The following MEP1B variants were observed in gnomAD, a reference collection of about 807,000 sequenced individuals.
MEP1B encodes the protein meprin A subunit beta.
A neutral mutation model predicts 84.6 loss-of-function variants in MEP1B; 80 were observed. The observed-to-expected ratio is 0.95, with a 90% confidence interval of 0.79 to 1.14. The LOEUF is 1.14. Among genes scored for constraint, MEP1B ranks in the 50% most tolerant of loss-of-function variants. The pLI is 0.00. For synonymous variants in MEP1B, 273 were observed against 288.1 expected (o/e 0.95, Z 0.53); for missense variants, 766 against 855.1 (o/e 0.90, Z 1.30).
chr18:32,202,889 T>C lies in MEP1B; in HGVS notation c.251-4T>C. On this transcript the variant is annotated splice_region_variant and splice_polypyrimidine_tract_variant and intron_variant, in intron 5 of 14. Coordinates refer to ENST00000269202, the MANE Select transcript of MEP1B (RefSeq NM_005925.3). Reference sequence around the variant, plus strand: ...GCTTATTTTTGTTTGTTTTCTTCCTTCAGAAATGAATGCTAAGGGAGTTAT... The same window carrying C: ...GCTTATTTTTGTTTGTTTTCTTCCTCCAGAAATGAATGCTAAGGGAGTTAT... 1 of 1,579,588 alleles carries C rather than the reference T, an allele frequency of 6.3e-7. No homozygotes were observed. Among genetic ancestry groups the C allele is most frequent in the South Asian group, 1.1e-5 (1 of 88,206 alleles).
chr18:32,194,050 C>G (rs1364927918), intron 4 of MEP1B, among the ~76,000 whole-genome samples: 2 of 152,146 alleles, frequency 1.3e-5, no homozygotes, highest in Non-Finnish European at 2.9e-5. Context: ...TCCCCACTCT[C>G]CTGTCTTCAT....
At chr18:32,191,976 T>C (rs2040806189) in intron 2 of MEP1B, 136 bp downstream of exon 2, 1 of 589,466 alleles carries the variant, frequency 1.7e-6, no homozygotes, top group Non-Finnish European at 3.0e-6. Context: ...ATTCTTTTGA[T>C]TTATGGAGGG....
intron 9 of MEP1B, among the ~76,000 whole-genome samples, chr18:32,209,805 G>GT (rs1298619397): frequency 8.6e-6 from 1 of 115,974 alleles, no homozygotes; most frequent in African/African-American, 4.8e-5. Context: ...GTTAGAAAGT[G>GT]TTTAAAAAAA....
chr18:32,192,576 T>C, intron 2 of MEP1B, 70 bp from the exon 3 acceptor site: 1 of 1,442,240 alleles, frequency 6.9e-7, no homozygotes, highest in South Asian at 1.2e-5. Context: ...TCTGATTATA[T>C]AAATGATAAA....
chr18:32,204,775 CAT>C (rs1367039765), intron 7 of MEP1B, among the ~76,000 whole-genome samples: 1 of 152,072 alleles, frequency 6.6e-6, no homozygotes, highest in Non-Finnish European at 1.5e-5. Flanking sequence ...AAGGGGTGGG[CAT>C]TTGATGAGGG....
chr18:32,206,012 C>T (rs368611655), intron 7 of MEP1B, among the ~76,000 whole-genome samples: 10 of 152,054 alleles, frequency 6.6e-5, no homozygotes, highest in African/African-American at 1.7e-4. Flanking sequence ...GACAGAATCT[C>T]GCTCTGTTGC....
intron 5 of MEP1B, among the ~76,000 whole-genome samples, chr18:32,198,580 G>A (rs1025393938): frequency 2.0e-5 from 3 of 152,154 alleles, no homozygotes; most frequent in South Asian, 2.1e-4. Context: ...GATGCATCAC[G>A]ATCTGCTAAG....
At chr18:32,197,373 T>C (rs1227013652) in intron 5 of MEP1B, among the ~76,000 whole-genome samples, 1 of 150,690 alleles carries the variant, frequency 6.6e-6, no homozygotes, top group Non-Finnish European at 1.5e-5. Context: ...CCTGCTATAG[T>C]TTTTTAATTT....
At chr18:32,203,218 A>C in intron 6 of MEP1B, 1 of 457,156 alleles carries the variant, frequency 2.2e-6, no homozygotes, top group Non-Finnish European at 3.9e-6. Flanking sequence ...GACAAAGTGG[A>C]AAGTGGATGG....
intron 14 of MEP1B, among the ~76,000 whole-genome samples, 161 bp from the exon 15 acceptor site, chr18:32,220,070 G>A (rs761345440): frequency 3.9e-4 from 60 of 152,194 alleles, no homozygotes; most frequent in Non-Finnish European, 6.3e-4. Flanking sequence ...GCCAGGGCTC[G>A]AAATGGAGAC....
At position 32,220,361 on chromosome 18, in the gene MEP1B, A is replaced by C. The variant is rs9951329; in HGVS notation, c.*116A>C. On this transcript the variant is annotated 3_prime_UTR_variant, in exon 15 of 15. Coordinates refer to ENST00000269202, the MANE Select transcript of MEP1B (RefSeq NM_005925.3). ...TTCTAAAAGTGGATATTTTTCTGTA[A>C]ATAGCTGGAAATATTATAAATCACT... 0.011 allele frequency: 9,938 copies of C among 914,188 alleles called. 671 individuals are homozygous for C. The African/African-American group carries it at 0.14, about 13-fold the overall frequency. 56.6% of individuals were successfully genotyped at this position (914,188 alleles called of 1,614,324 possible).
In MEP1B at chr18:32,210,515, A is replaced by G. The variant is rs1003507605; in HGVS notation, c.934A>G (p.Met312Val). The change falls in exon 10 of 15, where the codon ATG becomes GTG. Residue 312 changes from methionine to valine, a missense_variant. Transcript: ENST00000269202. ...MGQCQGSGFF[M>V]HFDSSSVNVG... ...TTCTTTAACAGGTTCTGGTTTCTTC[A>G]TGCATTTCGATAGCAGCTCTGTAAA... is the stretch of plus-strand genomic sequence containing the variant. 6.2e-7 allele frequency: 1 copy of G among 1,613,646 alleles called. No homozygotes were observed. Among genetic ancestry groups the G allele is most frequent in the Non-Finnish European group, 8.5e-7 (1 of 1,179,772 alleles).
intron 2 of MEP1B, 43 bp from the exon 3 acceptor site, chr18:32,192,603 A>G: frequency 6.3e-7 from 1 of 1,580,788 alleles, no homozygotes; most frequent in Non-Finnish European, 8.7e-7. Flanking sequence ...CTCCTTTTAT[A>G]AACATAATGT....
intron 8 of MEP1B, among the ~76,000 whole-genome samples, chr18:32,207,853 G>A (rs1049518698): frequency 6.6e-6 from 1 of 152,148 alleles, no homozygotes; most frequent in Non-Finnish European, 1.5e-5. Flanking sequence ...ATAACTAGGG[G>A]AGTATAGACT....
At chr18:32,212,494 G>C (rs1446271413) in intron 10 of MEP1B, among the ~76,000 whole-genome samples, 1 of 152,172 alleles carries the variant, frequency 6.6e-6, no homozygotes, top group Non-Finnish European at 1.5e-5. Context: ...GCTAGCGAGG[G>C]GTATGGGCTA....
intron 5 of MEP1B, among the ~76,000 whole-genome samples, chr18:32,195,723 A>G (rs2144380950): frequency 6.6e-6 from 1 of 152,332 alleles, no homozygotes; most frequent in Non-Finnish European, 1.5e-5. Context: ...AGTTCAACCA[A>G]CGTTTATGGA....
rs2040975595 is a variant in MEP1B at position 32,207,296 on chromosome 18, TC to T, written c.595del (p.Leu199Ter). On this transcript the variant is annotated frameshift_variant, in exon 8 of 15. Transcript: ENST00000269202. LOFTEE classifies it high-confidence loss of function. The part of the protein sequence containing the change: ...FNTYSDDISD[S>X]LNVPYDYTSV... Reference sequence around the variant, plus strand: ...CACCTATAGTGACGATATATCAGATTCCCTGAATGTTCCCTATGATTACACT... The same window carrying T: ...CACCTATAGTGACGATATATCAGATTCCTGAATGTTCCCTATGATTACACT... 2.5e-6 allele frequency: 4 copies of T among 1,613,138 alleles called. No individual in the cohort carries two copies. The African/African-American group carries it at 5.3e-5, about 22-fold the overall frequency.
rs182028874 is a variant in MEP1B at position 32,219,328 on chromosome 18, A to C, written c.2092-903A>C. On this transcript the variant is annotated intron_variant, in intron 14 of 14. Coordinates refer to ENST00000269202, the MANE Select transcript of MEP1B (RefSeq NM_005925.3). ...CATCAGGAAGATGTTTAATGCTAATAATAAGGCAATAGATCAATTACTTCA... is the reference window on the plus strand; with the variant it reads ...CATCAGGAAGATGTTTAATGCTAATCATAAGGCAATAGATCAATTACTTCA... Among the ~76,000 whole-genome samples the C allele has an allele frequency of 5.3e-5, 8 of 152,362 alleles. No homozygotes were observed. In the South Asian group the frequency reaches 1.2e-3, roughly 24 times the overall value.
intron 9 of MEP1B, among the ~76,000 whole-genome samples, chr18:32,208,703 A>C (rs2040991876): frequency 6.6e-6 from 1 of 152,254 alleles, no homozygotes; most frequent in Non-Finnish European, 1.5e-5. Flanking sequence ...ATATCTAAAA[A>C]GCAGAGTTTA....
Sources: allele counts gnomAD v4.1 joint callset (sites outside exome capture counted in the v4.1 genomes callset), GRCh38; gene constraint gnomAD v4.1.1; transcripts MANE v1.5; gene names NCBI Gene and HGNC (gene_info 2026-07-23, HGNC 2026-07-21).